Variants in NR2C1 observed in about 807,000 individuals in gnomAD.
The protein encoded by NR2C1 is nuclear receptor subfamily 2 group C member 1.
NR2C1 carries 33 observed loss-of-function variants against 74.8 expected under a neutral mutation model. That is an observed-to-expected ratio of 0.44 (90% confidence interval 0.33 to 0.59). NR2C1 has a LOEUF of 0.59. Ranked by LOEUF, NR2C1 falls within the 20% of genes least tolerant of loss-of-function variation. NR2C1 has a pLI of 0.02. For synonymous variants in NR2C1, 225 were observed against 240.6 expected, an observed-to-expected ratio of 0.94 and a Z score of 0.60; for missense variants, 568 against 715.6, an observed-to-expected ratio of 0.79 and a Z score of 2.35.
intron 12 of NR2C1, among the ~76,000 whole-genome samples, chr12:95,027,132 G>A (rs187377167): frequency 3.7e-4 from 56 of 152,284 alleles, no homozygotes; most frequent in African/African-American, 1.3e-3. Flanking sequence ...AGAGCTCACT[G>A]CAGCCTCAAA....
rs548547226 is a variant in NR2C1, at chr12:95,057,652, A to C, written c.693-9T>G. ...CTAACAGTCCTGTTGACCTGTAACA[A>C]ATCAGCACAAATTTTGGCCTGAGTT... On this transcript the variant is annotated splice_polypyrimidine_tract_variant and intron_variant, in intron 6 of 13. Transcript: ENST00000333003. 15 of 1,613,068 alleles carry C rather than the reference A, an allele frequency of 9.3e-6. No individual in the cohort carries two copies. The highest frequency in any genetic ancestry group is 1.3e-5 in the African/African-American group (1 of 74,882).
intron 11 of NR2C1, among the ~76,000 whole-genome samples, chr12:95,029,459 T>C (rs1869778118): frequency 6.6e-6 from 1 of 151,964 alleles, no homozygotes; most frequent in Non-Finnish European, 1.5e-5. Flanking sequence ...GGGAAAAAAC[T>C]ATATATAAAA....
intron 10 of NR2C1, 43 bp downstream of exon 10, chr12:95,040,433 C>T (rs369289584): frequency 1.5e-5 from 24 of 1,564,146 alleles, no homozygotes; most frequent in Non-Finnish European, 2.1e-5. Context: ...TGTACATTTG[C>T]ACTACAAAAT....
At chr12:95,034,739 C>T (rs1376891878) in intron 10 of NR2C1, among the ~76,000 whole-genome samples, 4 of 152,144 alleles carry the variant, frequency 2.6e-5, no homozygotes, top group African/African-American at 9.7e-5. Flanking sequence ...GTTACAACTG[C>T]CTATGGTATT....
At chr12:95,048,963 G>T in intron 9 of NR2C1, 105 bp downstream of exon 9, 2 of 1,026,090 alleles carry the variant, frequency 1.9e-6, no homozygotes, top group Non-Finnish European at 2.9e-6. Context: ...ATTCTATCAG[G>T]GATATTTCTG....
chr12:95,056,243 T>C (rs910142581), intron 7 of NR2C1, among the ~76,000 whole-genome samples: 1 of 152,078 alleles, frequency 6.6e-6, no homozygotes, highest in African/African-American at 2.4e-5. Flanking sequence ...TACCCCCAGC[T>C]TGGGTGACAA....
intron 10 of NR2C1, 69 bp from the exon 11 acceptor site, chr12:95,031,557 G>T: frequency 1.6e-6 from 2 of 1,214,506 alleles, no homozygotes; most frequent in Non-Finnish European, 2.2e-6. Flanking sequence ...CTTACAGCTA[G>T]TCCAAATACT....
chr12:95,067,369 C>G lies in NR2C1; in HGVS notation c.16G>C (p.Glu6Gln). 1 of 1,613,560 alleles carries G rather than the reference C, an allele frequency of 6.2e-7. No individual in the cohort carries two copies. The highest frequency in any genetic ancestry group is 1.1e-5 in the South Asian group (1 of 91,028). Reference sequence around the variant, plus strand: ...TGTTCAATAATTTGATGTGCAATTTCTTCTATGGTTGCCATGATCTACCTG... The same window carrying G: ...TGTTCAATAATTTGATGTGCAATTTGTTCTATGGTTGCCATGATCTACCTG... MATIEEIAHQIIEQQM... is the reference protein window; with the variant it reads MATIEQIAHQIIEQQM... Residue 6 changes from glutamate to glutamine, a missense_variant, in exon 2 of 14, where the codon GAA (glutamate) becomes CAA (glutamine). Transcript: ENST00000333003.
intron 10 of NR2C1, among the ~76,000 whole-genome samples, chr12:95,035,916 G>C (rs1235734090): frequency 6.6e-6 from 1 of 152,202 alleles, no homozygotes; most frequent in Non-Finnish European, 1.5e-5. Flanking sequence ...TCATAATGAA[G>C]TGTTTCTGCT....
At position 95,057,996 on chromosome 12, in the gene NR2C1, A is replaced by G. The variant is rs1431774017; in HGVS notation, c.545-118T>C. On this transcript the variant is annotated intron_variant, in intron 5 of 13. Transcript: ENST00000333003. Reference sequence around the variant, plus strand: ...AGACATGGCTACCATACTAAACTCCAAAGATAACCATCAATCTTTAGAAAT... The same window carrying G: ...AGACATGGCTACCATACTAAACTCCGAAGATAACCATCAATCTTTAGAAAT... 3.4e-6 allele frequency: 3 copies of G among 887,536 alleles called. No individual in the cohort carries two copies. In the East Asian group the frequency reaches 7.3e-5, roughly 22 times the overall value. 55.0% of individuals were successfully genotyped at this position (887,536 alleles called of 1,614,324 possible). A position where few individuals can be genotyped will look rare whatever the true frequency, so the allele number is the denominator to read the frequency against.
chr12:95,025,752 A>G (rs1033847991), intron 12 of NR2C1, among the ~76,000 whole-genome samples: 9 of 150,444 alleles, frequency 6.0e-5, no homozygotes, highest in African/African-American at 2.2e-4. Flanking sequence ...TATTTTACAT[A>G]TTTAAAATTA....
At chr12:95,031,552 A>C (rs1870110860) in intron 10 of NR2C1, 64 bp from the exon 11 acceptor site, 3 of 1,281,336 alleles carry the variant, frequency 2.3e-6, no homozygotes, top group African/African-American at 1.5e-5. Flanking sequence ...TAAACCTTAC[A>C]GCTAGTCCAA....
intron 8 of NR2C1, 131 bp from the exon 9 acceptor site, chr12:95,049,364 C>A (rs1263154586): frequency 5.4e-6 from 4 of 736,404 alleles, no homozygotes; most frequent in Non-Finnish European, 8.5e-6. Context: ...AAGTGATATG[C>A]CCGCCTCAGC....
chr12:95,068,649 C>A (rs1170221027), intron 1 of NR2C1, among the ~76,000 whole-genome samples: 1 of 152,036 alleles, frequency 6.6e-6, no homozygotes, highest in African/African-American at 2.4e-5. Context: ...ACAAAATTAG[C>A]CAGGTGTGGT....
At chr12:95,045,139 T>C (rs373253407) in intron 9 of NR2C1, among the ~76,000 whole-genome samples, 16 of 152,346 alleles carry the variant, frequency 1.1e-4, no homozygotes, top group African/African-American at 3.8e-4. Flanking sequence ...CTAGATTACA[T>C]ATTCATTCAG....
Position 95,024,913 on chromosome 12 carries a change from C to T in NR2C1, c.1637+237G>A, listed in dbSNP as rs370504788. Among the ~76,000 whole-genome samples, 4 of 152,240 alleles carry T rather than the reference C, an allele frequency of 2.6e-5. No individual in the cohort carries two copies. The East Asian group carries it at 5.8e-4, about 22-fold the overall frequency. ...CAGGTGCTATCATTTACTGTGTGAC[C>T]TTAAGCAAAGTTAACCTCTCTGTGC... is the stretch of plus-strand genomic sequence containing the variant. On this transcript the variant is annotated intron_variant, in intron 13 of 13. Transcript: ENST00000333003.
intron 13 of NR2C1, among the ~76,000 whole-genome samples, chr12:95,024,904 C>T (rs1869165783): frequency 6.6e-6 from 1 of 152,212 alleles, no homozygotes; most frequent in African/African-American, 2.4e-5. Flanking sequence ...CTATCATTTA[C>T]TGTGTGACCT....
intron 5 of NR2C1, 173 bp from the exon 6 acceptor site, chr12:95,058,051 A>G (rs1483795159): frequency 1.4e-6 from 1 of 729,720 alleles, no homozygotes; most frequent in Non-Finnish European, 2.2e-6. Context: ...GTTGCTTTAG[A>G]TTAGTAAAAC....
In NR2C1 at chr12:95,020,420, T is replaced by C. The variant is rs555220482; in HGVS notation, c.*1809A>G. ...TTATTTCCCTGATTCCTTGGCTTACTAAACTGTATTTATAAAGGTATAAAC... is the reference window on the plus strand; with the variant it reads ...TTATTTCCCTGATTCCTTGGCTTACCAAACTGTATTTATAAAGGTATAAAC... On this transcript the variant is annotated 3_prime_UTR_variant, in exon 14 of 14. Coordinates refer to ENST00000333003, the MANE Select transcript of NR2C1 (RefSeq NM_003297.4). 3.8e-4 allele frequency: 58 copies of C among 152,308 alleles called. No homozygotes were observed. The highest frequency in any genetic ancestry group is 3.8e-3 in the Admixed American group (58 of 15,302). 9.4% of individuals were successfully genotyped at this position (152,308 alleles called of 1,614,324 possible). A position where few individuals can be genotyped will look rare whatever the true frequency, so the allele number is the denominator to read the frequency against.
Sources: allele counts gnomAD v4.1 joint callset (sites outside exome capture counted in the v4.1 genomes callset), GRCh38; gene constraint gnomAD v4.1.1; transcripts MANE v1.5; gene names NCBI Gene and HGNC (gene_info 2026-07-23, HGNC 2026-07-21).